Variants in DNAH6 observed in about 807,000 individuals in gnomAD.
The protein encoded by DNAH6 is dynein axonemal heavy chain 6.
In DNAH6, 340 loss-of-function variants were observed where a neutral mutation model predicts 491.4. The observed-to-expected ratio is 0.69, with a 90% CI of 0.63 to 0.76. The LOEUF (loss-of-function observed/expected upper bound fraction) is 0.76, where lower values mean the gene tolerates loss of function less well. DNAH6 is among the 30% of genes least tolerant of loss of function. DNAH6 has a pLI of 0.00. For synonymous variants in DNAH6, 1,603 were observed against 1,686.1 expected (o/e 0.95, Z 1.21); for missense variants, 4,443 against 4,972.2 (o/e 0.89, Z 3.20).
At chr2:84,508,364 TATA>T in the DNAH6 span, among the ~76,000 whole-genome samples, 1 of 152,220 alleles carries the variant, frequency 6.6e-6, no homozygotes, top group Non-Finnish European at 1.5e-5. Context: ...TAGAGGTGTT[TATA>T]GTATTCTCTG....
At chr2:84,626,995 G>A (rs1357950069) in intron 29 of DNAH6, among the ~76,000 whole-genome samples, 1 of 152,108 alleles carries the variant, frequency 6.6e-6, no homozygotes, top group Non-Finnish European at 1.5e-5. Flanking sequence ...TCTGGGGTGG[G>A]GCCTGAAATT....
intron 52 of DNAH6, among the ~76,000 whole-genome samples, chr2:84,706,581 G>T (rs1319834918): frequency 6.6e-6 from 1 of 152,114 alleles, no homozygotes; most frequent in Admixed American, 6.6e-5. Flanking sequence ...ACTATGGCAT[G>T]AATATTTAAT....
At chr2:84,642,122 A>C (rs929086010) in intron 33 of DNAH6, 68 bp downstream of exon 33, 16 of 1,043,636 alleles carry the variant, frequency 1.5e-5, no homozygotes, top group Non-Finnish European at 2.1e-5. Flanking sequence ...TCTTTTCTTC[A>C]ATTATTTCTT....
At chr2:84,652,319 T>G (rs1441900802) in intron 33 of DNAH6, among the ~76,000 whole-genome samples, 1 of 152,112 alleles carries the variant, frequency 6.6e-6, no homozygotes, top group Non-Finnish European at 1.5e-5. Flanking sequence ...AGTAGCCTAT[T>G]TTAATAGTCA....
chr2:84,563,997 G>C (rs2104635867), intron 11 of DNAH6, among the ~76,000 whole-genome samples: 1 of 152,234 alleles, frequency 6.6e-6, no homozygotes, highest in Middle Eastern at 3.4e-3. Context: ...TCAAAGATTA[G>C]ATGGTTGTGG....
chr2:84,579,495 T>G (rs1234441535), intron 13 of DNAH6, 32 bp from the exon 14 acceptor site: 1 of 1,607,632 alleles, frequency 6.2e-7, no homozygotes, highest in East Asian at 2.2e-5. Context: ...AATATTCGAC[T>G]ATTTACAATT....
intron 50 of DNAH6, 97 bp from the exon 51 acceptor site, chr2:84,703,970 A>C: frequency 1.1e-6 from 1 of 923,124 alleles, no homozygotes; most frequent in African/African-American, 1.7e-5. Context: ...CATTATTCTA[A>C]TCCAAAGGGC....
At chr2:84,461,062 T>C in the DNAH6 span, among the ~76,000 whole-genome samples, 2 of 152,124 alleles carry the variant, frequency 1.3e-5, no homozygotes, top group Non-Finnish European at 2.9e-5. Context: ...ACCTCTGTGA[T>C]TTAGCAGGGG....
At chr2:84,582,740 C>T (rs1327898690) in intron 14 of DNAH6, among the ~76,000 whole-genome samples, 1 of 152,220 alleles carries the variant, frequency 6.6e-6, no homozygotes, top group Non-Finnish European at 1.5e-5. Flanking sequence ...GTGCAGTAAG[C>T]CACTGCACCC....
intron 4 of DNAH6, among the ~76,000 whole-genome samples, chr2:84,535,993 T>C (rs1351339609): frequency 6.6e-6 from 1 of 152,008 alleles, no homozygotes; most frequent in Non-Finnish European, 1.5e-5. Flanking sequence ...AGCACTGGTA[T>C]TCAAGTAATA....
Position 84,550,599 on chromosome 2 carries a change from T to C in DNAH6, c.1485+542T>C, listed in dbSNP as rs147431136. 5.2e-3 allele frequency among the ~76,000 whole-genome samples: 784 copies of C among 152,228 alleles called. 3 individuals are homozygous for C. Among genetic ancestry groups the C allele is most frequent in the Non-Finnish European group, 8.5e-3 (577 of 68,012 alleles). ...CTAATAATAGAGTAAAAATCCACCA[T>C]ACTGAGAGAAAGTTCCTGTCACAGG... is the stretch of plus-strand genomic sequence containing the variant. On this transcript the variant is annotated intron_variant, in intron 9 of 76. Coordinates refer to ENST00000389394, the MANE Select transcript of DNAH6 (RefSeq NM_001370.2).
chr2:84,579,144 A>C (rs761506535), intron 13 of DNAH6, among the ~76,000 whole-genome samples: 1 of 152,234 alleles, frequency 6.6e-6, no homozygotes, highest in Non-Finnish European at 1.5e-5. Flanking sequence ...CCAAGTCATC[A>C]GTCAGACTGC....
chr2:84,791,411 G>A (rs1677728264), intron 68 of DNAH6, among the ~76,000 whole-genome samples: 1 of 151,642 alleles, frequency 6.6e-6, no homozygotes, highest in Non-Finnish European at 1.5e-5. Flanking sequence ...ATTATGCTAA[G>A]TAAAAGAAGC....
At chr2:84,791,951 G>A (rs565846331) in intron 68 of DNAH6, among the ~76,000 whole-genome samples, 49 of 152,080 alleles carry the variant, frequency 3.2e-4, no homozygotes, top group Middle Eastern at 3.4e-3. Context: ...TGAATCATTC[G>A]TAGTAGCCAA....
intron 40 of DNAH6, among the ~76,000 whole-genome samples, chr2:84,674,009 C>G (rs1692990888): frequency 6.6e-6 from 1 of 152,186 alleles, no homozygotes; most frequent in Non-Finnish European, 1.5e-5. Flanking sequence ...CCTAGGTTAA[C>G]TGTCCCATTT....
At chr2:84,613,895 A>T (rs939837263) in intron 22 of DNAH6, among the ~76,000 whole-genome samples, 1 of 152,172 alleles carries the variant, frequency 6.6e-6, no homozygotes, top group African/African-American at 2.4e-5. Flanking sequence ...TTTATCAAAT[A>T]ATGCCAAAGC....
At chr2:84,700,711 C>A (rs1197607831) in intron 48 of DNAH6, among the ~76,000 whole-genome samples, 2 of 152,156 alleles carry the variant, frequency 1.3e-5, no homozygotes, top group Non-Finnish European at 2.9e-5. Flanking sequence ...TTGAGGTGTG[C>A]AGGGCAGTGA....
chr2:84,688,032 C>T (rs753571351), intron 44 of DNAH6, among the ~76,000 whole-genome samples: 10 of 151,882 alleles, frequency 6.6e-5, no homozygotes, highest in Non-Finnish European at 1.2e-4. Flanking sequence ...GTCAGGAGCT[C>T]GAGATCAGCC....
At chr2:84,519,833 A>G (rs1226760552) in intron 2 of DNAH6, among the ~76,000 whole-genome samples, 1 of 152,030 alleles carries the variant, frequency 6.6e-6, no homozygotes, top group Non-Finnish European at 1.5e-5. Flanking sequence ...GTCCATGCTG[A>G]AACAATTTTA....
Sources: allele counts gnomAD v4.1 joint callset (sites outside exome capture counted in the v4.1 genomes callset), GRCh38; gene constraint gnomAD v4.1.1; transcripts MANE v1.5; gene names NCBI Gene and HGNC (gene_info 2026-07-23, HGNC 2026-07-21).